Variants in CASP9 observed in about 807,000 individuals in gnomAD.
CASP9 encodes caspase 9.
In CASP9, 29 loss-of-function variants were observed where a neutral mutation model predicts 43.5. The observed-to-expected ratio is 0.67, with a 90% confidence interval of 0.50 to 0.91. The LOEUF (loss-of-function observed/expected upper bound fraction) is 0.91. Ranked by LOEUF, CASP9 falls within the 40% of genes least tolerant of loss-of-function variation. CASP9 has a pLI of 0.00. For missense variants in CASP9, 575 were observed against 537.4 expected (o/e 1.07, Z -0.69); for synonymous variants, 206 against 211.9 (o/e 0.97, Z 0.24).
At chr1:15,505,917 C>A in intron 5 of CASP9, 73 bp downstream of exon 5, 1 of 1,176,710 alleles carries the variant, frequency 8.5e-7, no homozygotes, top group East Asian at 2.3e-5. Context: ...CAAGAAGGGA[C>A]ATGGCCCCTG....
chr1:15,516,612 C>T (rs1471629150), intron 2 of CASP9, among the ~76,000 whole-genome samples: 2 of 152,098 alleles, frequency 1.3e-5, no homozygotes, highest in African/African-American at 4.8e-5. Flanking sequence ...AGTAGCTTGT[C>T]CTACAGGCTC....
At chr1:15,507,218 A>C (rs1358609567) in intron 3 of CASP9, 143 bp from the exon 4 acceptor site, 1 of 812,522 alleles carries the variant, frequency 1.2e-6, no homozygotes, top group Non-Finnish European at 1.9e-6. Context: ...GCAAAAGAGA[A>C]GCAACTGCAG....
intron 6 of CASP9, 44 bp from the exon 7 acceptor site, chr1:15,495,496 A>T: frequency 6.8e-7 from 1 of 1,473,256 alleles, no homozygotes; most frequent in South Asian, 1.3e-5. Flanking sequence ...TGAAATACAC[A>T]GACAAGGATG....
At position 15,492,973 on chromosome 1, in the gene CASP9, G is replaced by C. The variant is rs1570818570; in HGVS notation, c.1221C>G (p.Leu407=). ...YKQMPGCFNF[L]RKKLFFKTS is the part of the protein sequence containing the mutation. Reference sequence around the variant, plus strand: ...ATGTTTTAAAGAAAAGTTTTTTCCGGAGGAAATTAAAGCAACCAGGCATCT... The same window carrying C: ...ATGTTTTAAAGAAAAGTTTTTTCCGCAGGAAATTAAAGCAACCAGGCATCT... The change falls in exon 9 of 9, where the codon CTC becomes CTG. Residue 407 remains leucine, a synonymous_variant. Coordinates refer to ENST00000333868, the MANE Select transcript of CASP9 (RefSeq NM_001229.5). 2 of 1,614,046 alleles carry C rather than the reference G, an allele frequency of 1.2e-6. No individual in the cohort carries two copies. Among genetic ancestry groups the C allele is most frequent in the Non-Finnish European group, 1.7e-6 (2 of 1,180,022 alleles).
Position 15,506,013 on chromosome 1 carries a change from C to T in CASP9, c.697G>A (p.Val233Ile). The change falls in exon 5 of 9, where the codon GTC becomes ATC. Residue 233 changes from valine (V) to isoleucine (I), a missense_variant. Val to Ile is a conservative substitution (Grantham distance 29). Transcript: ENST00000333868. ...ACCTGACAGCCGTGAGAGAGAATGA[C>T]CACCACGCAGCAGTCCAGAGCACCG... is the stretch of plus-strand genomic sequence containing the variant. ...DHGALDCCVV[V>I]ILSHGCQASH... 6 of 1,614,086 alleles carry T rather than the reference C, an allele frequency of 3.7e-6. No homozygotes were observed. Among genetic ancestry groups the T allele is most frequent in the Non-Finnish European group, 5.1e-6 (6 of 1,179,918 alleles).
At chr1:15,517,580 A>G (rs1407994462) in intron 2 of CASP9, among the ~76,000 whole-genome samples, 5 of 152,184 alleles carry the variant, frequency 3.3e-5, no homozygotes, top group Non-Finnish European at 5.9e-5. Flanking sequence ...TAGCCGTGTG[A>G]CCTTTGGCAA....
intron 5 of CASP9, among the ~76,000 whole-genome samples, chr1:15,505,599 C>T (rs1356310250): frequency 6.6e-6 from 1 of 152,216 alleles, no homozygotes; most frequent in Non-Finnish European, 1.5e-5. Context: ...AGGGGCCAAG[C>T]CCCCAGTGGG....
In CASP9 at chr1:15,524,072, G is replaced by A. The variant is rs772048685; in HGVS notation, c.129C>T (p.Ile43=). 69 of 1,506,218 alleles carry A rather than the reference G, an allele frequency of 4.6e-5. No homozygotes were observed. The highest frequency in any genetic ancestry group is 5.4e-5 in the Non-Finnish European group (61 of 1,130,686). The allele number at this position is 1,506,218 out of a possible 1,614,324, so 93.3% of individuals were successfully genotyped here. Residue 43 remains isoleucine, a synonymous_variant, in exon 1 of 9, where the codon ATC becomes ATT. Coordinates refer to ENST00000333868, the MANE Select transcript of CASP9 (RefSeq NM_001229.5). The part of the protein sequence containing the change: ...ELFRPHMIED[I]QRAGSGSRRD... ...GGACAGGGGGCCGGGGGCGCACCTG[G>A]ATGTCCTCGATCATATGGGGCCTGA...
chr1:15,495,754 C>T (rs566909297), intron 6 of CASP9, among the ~76,000 whole-genome samples: 5 of 152,318 alleles, frequency 3.3e-5, no homozygotes, highest in East Asian at 1.9e-4. Flanking sequence ...AAATTCACCA[C>T]GGCAATGTAA....
intron 7 of CASP9, among the ~76,000 whole-genome samples, chr1:15,494,556 C>A (rs10803387): frequency 0.3 from 42,853 of 140,556 alleles, 6,889 homozygotes; most frequent in East Asian, 0.59. Flanking sequence ...CAAAGCAAGA[C>A]TCCGTCTCAA....
chr1:15,523,619 G>C (rs1353181886), intron 1 of CASP9, among the ~76,000 whole-genome samples: 1 of 151,954 alleles, frequency 6.6e-6, no homozygotes, highest in African/African-American at 2.4e-5. Context: ...GCTTATGTTA[G>C]AGAGAAATAA....
At chr1:15,501,345 T>A (rs1037565821) in intron 6 of CASP9, among the ~76,000 whole-genome samples, 1 of 152,196 alleles carries the variant, frequency 6.6e-6, no homozygotes, top group Non-Finnish European at 1.5e-5. Context: ...GTGGATGACA[T>A]GTTGGAGGGT....
intron 2 of CASP9, among the ~76,000 whole-genome samples, chr1:15,517,496 T>C (rs1709997156): frequency 6.6e-6 from 1 of 151,878 alleles, no homozygotes; most frequent in Admixed American, 6.6e-5. Context: ...ATGATATGGG[T>C]GTTAGTTACC....
intron 5 of CASP9, 124 bp downstream of exon 5, chr1:15,505,866 C>T: frequency 1.3e-6 from 1 of 775,566 alleles, no homozygotes; most frequent in East Asian, 2.5e-5. Context: ...GTGGGCAGGG[C>T]CCCACAGCCC....
chr1:15,494,640 G>A (rs1156337727), intron 7 of CASP9, among the ~76,000 whole-genome samples: 1 of 151,424 alleles, frequency 6.6e-6, no homozygotes, highest in Non-Finnish European at 1.5e-5. Flanking sequence ...GAGGCAGGTG[G>A]ATCACGAGGT....
At position 15,507,183 on chromosome 1, in the gene CASP9, C is replaced by T. The variant is rs1482740129; in HGVS notation, c.454-108G>A. 5.4e-6 allele frequency: 7 copies of T among 1,303,600 alleles called. 1 individual carries two copies. The highest frequency in any genetic ancestry group is 7.6e-6 in the Non-Finnish European group (7 of 922,592). The allele number at this position is 1,303,600 out of a possible 1,614,324, so 80.8% of individuals were successfully genotyped here. ...GTCTGCCCTCTCGCACAAGGAGTAG[C>T]AGGGTCTCCACCCGGCATTCCAGGG... On this transcript the variant is annotated intron_variant, in intron 3 of 8. Transcript: ENST00000333868.
intron 8 of CASP9, chr1:15,493,688 T>A: frequency 6.9e-7 from 1 of 1,456,926 alleles, no homozygotes; most frequent in Non-Finnish European, 9.0e-7. Flanking sequence ...GGCAACTCTT[T>A]GAATAAAGGG....
At position 15,518,242 on chromosome 1, in the gene CASP9, C is replaced by T; in HGVS notation, c.286G>A (p.Ala96Thr). The T allele has an allele frequency of 6.2e-7, 1 of 1,614,218 alleles. No individual in the cohort carries two copies. The highest frequency in any genetic ancestry group is 1.7e-5 in the Admixed American group (1 of 60,016). Residue 96 changes from alanine to threonine, a missense_variant, in exon 2 of 9, where the codon GCA becomes ACA. By Grantham distance (58) the Ala-to-Thr change is moderately conservative. Transcript: ENST00000333868. ...ASFLRTNRQA[A>T]KLSKPTLENL... ...TCTAGGGTTGGCTTCGACAACTTTG[C>T]TGCTTGCCTGTTAGTTCGCAGAAAC...
Position 15,507,910 on chromosome 1 carries a change from G to T in CASP9, c.419-3C>A, listed in dbSNP as rs372978152. 1.2e-6 allele frequency: 2 copies of T among 1,614,098 alleles called. No individual in the cohort carries two copies. The highest frequency in any genetic ancestry group is 1.7e-6 in the Non-Finnish European group (2 of 1,179,972). ...TCCCCTCAAACTCTCAAGAGCACCT[G>T]AAGAGGCAGAGAAAGAGAGAAACAT... On this transcript the variant is annotated splice_region_variant and splice_polypyrimidine_tract_variant and intron_variant, in intron 2 of 8. Coordinates refer to ENST00000333868, the MANE Select transcript of CASP9 (RefSeq NM_001229.5).
Sources: gnomAD v4.1 joint callset for allele counts (sites outside exome capture counted in the v4.1 genomes callset) on GRCh38, gnomAD v4.1.1 for gene constraint, MANE v1.5 for transcripts, NCBI Gene and HGNC (gene_info 2026-07-23, HGNC 2026-07-21) for gene names.